The following CFHR5 variants were observed in gnomAD, a reference collection of about 807,000 sequenced individuals.
The protein encoded by CFHR5 is complement factor H related 5, also known as complement factor H-related protein 5.
In CFHR5, 73 loss-of-function variants were observed where a neutral mutation model predicts 62.9. The ratio of observed to expected loss-of-function variants is 1.16; its 90% CI spans 0.96 to 1.41. CFHR5 has a LOEUF of 1.41. CFHR5 is among the 40% of genes most tolerant of loss of function. CFHR5 has a pLI of 0.00. For missense variants in CFHR5, 779 were observed against 679.9 expected (o/e 1.15, Z -1.62); for synonymous variants, 249 against 227.2 (o/e 1.10, Z -0.86).
At chr1:196,981,507 A>T (rs1653539746) in intron 1 of CFHR5, among the ~76,000 whole-genome samples, 1 of 151,610 alleles carries the variant, frequency 6.6e-6, no homozygotes, top group African/African-American at 2.4e-5. Flanking sequence ...TGTATATATA[A>T]ATATATATAT....
At chr1:196,990,608 T>G (rs530785740) in intron 3 of CFHR5, among the ~76,000 whole-genome samples, 1 of 152,286 alleles carries the variant, frequency 6.6e-6, no homozygotes, top group South Asian at 2.1e-4. Context: ...TGTAAAGGAT[T>G]TTAATTCTTC....
chr1:197,003,225 GC>G (rs1654197164), intron 8 of CFHR5, among the ~76,000 whole-genome samples: 1 of 152,164 alleles, frequency 6.6e-6, no homozygotes, highest in Admixed American at 6.5e-5. Context: ...AGAATCTAGT[GC>G]CCTGGTTGAT....
rs187155480 is a variant in CFHR5, at chr1:196,983,572, G to A, written c.254-389G>A. Among the ~76,000 whole-genome samples the A allele has an allele frequency of 3.4e-3, 513 of 152,070 alleles. 5 individuals are homozygous for A. Among genetic ancestry groups the A allele is most frequent in the African/African-American group, 0.011 (476 of 41,504 alleles). On this transcript the variant is annotated intron_variant, in intron 2 of 9. Coordinates refer to ENST00000256785, the MANE Select transcript of CFHR5 (RefSeq NM_030787.4). ...TAGAGACCAGACTCCAATGATAACA[G>A]GTGCATTAAAAAAGAAAAACAATGG...
rs777378052 is a variant in CFHR5 at position 196,984,039 on chromosome 1, A to C, written c.332A>C (p.Gln111Pro). 2.5e-6 allele frequency: 4 copies of C among 1,613,330 alleles called. No homozygotes were observed. In the East Asian group the frequency reaches 8.9e-5, roughly 36 times the overall value. The part of the protein sequence containing the change: ...GLIHLEGDTV[Q>P]IICNTGYSLQ... Reference sequence around the variant, plus strand: ...ATACATCTGGAAGGTGATACTGTACAAATTATTTGCAACACAGGATACAGC... The same window carrying C: ...ATACATCTGGAAGGTGATACTGTACCAATTATTTGCAACACAGGATACAGC... Residue 111 changes from glutamine to proline, a missense_variant, in exon 3 of 10, where the codon CAA becomes CCA. Coordinates refer to ENST00000256785, the MANE Select transcript of CFHR5 (RefSeq NM_030787.4).
chr1:196,990,671 T>C (rs1368002393), intron 3 of CFHR5, among the ~76,000 whole-genome samples: 1 of 152,184 alleles, frequency 6.6e-6, no homozygotes, highest in African/African-American at 2.4e-5. Context: ...TTGAAAATTC[T>C]TGTCTTTAGG....
At chr1:196,990,429 A>C (rs966695057) in intron 3 of CFHR5, among the ~76,000 whole-genome samples, 2 of 151,968 alleles carry the variant, frequency 1.3e-5, no homozygotes, top group African/African-American at 4.8e-5. Flanking sequence ...TTAGCTAGTT[A>C]TTTTGCCCGT....
At chr1:196,984,159 C>A in intron 3 of CFHR5, 22 bp downstream of exon 3, 2 of 1,598,154 alleles carry the variant, frequency 1.3e-6, no homozygotes, top group Non-Finnish European at 1.7e-6. Context: ...ACCACTCTCT[C>A]AGTTTTGCTA....
At chr1:196,994,545 T>A (rs1280028093) in intron 4 of CFHR5, among the ~76,000 whole-genome samples, 2 of 152,168 alleles carry the variant, frequency 1.3e-5, no homozygotes, top group Non-Finnish European at 2.9e-5. Context: ...CAATAAAAAA[T>A]TTATACTTTT....
intron 8 of CFHR5, 98 bp from the exon 9 acceptor site, chr1:197,004,563 T>C (rs1654234725): frequency 1.0e-6 from 1 of 970,894 alleles, no homozygotes; most frequent in Admixed American, 1.8e-5. Flanking sequence ...TATTTGAATT[T>C]CCAGACACCT....
At chr1:196,991,995 G>T (rs1340368412) in intron 3 of CFHR5, among the ~76,000 whole-genome samples, 1 of 152,220 alleles carries the variant, frequency 6.6e-6, no homozygotes, top group Admixed American at 6.5e-5. Flanking sequence ...GCCCCCAGAG[G>T]TGGAGTTTAC....
At chr1:196,986,097 A>T (rs1272846096) in intron 3 of CFHR5, among the ~76,000 whole-genome samples, 5 of 152,184 alleles carry the variant, frequency 3.3e-5, no homozygotes, top group African/African-American at 1.2e-4. Context: ...AAGTGAAAGA[A>T]TTCAGCAGAA....
At chr1:197,003,005 A>G (rs1394651118) in intron 8 of CFHR5, among the ~76,000 whole-genome samples, 1 of 152,148 alleles carries the variant, frequency 6.6e-6, no homozygotes, top group Non-Finnish European at 1.5e-5. Context: ...CATGCTGTAC[A>G]GGTTTGTGGC....
intron 1 of CFHR5, among the ~76,000 whole-genome samples, chr1:196,982,259 G>A (rs1253755111): frequency 6.6e-6 from 1 of 152,154 alleles, no homozygotes; most frequent in Non-Finnish European, 1.5e-5. Flanking sequence ...AGGGAGATTT[G>A]CTACTCTTAC....
chr1:196,991,299 T>C (rs1274186256), intron 3 of CFHR5, among the ~76,000 whole-genome samples: 1 of 152,174 alleles, frequency 6.6e-6, no homozygotes, highest in Non-Finnish European at 1.5e-5. Flanking sequence ...TTCCTTGCGA[T>C]GGGTTCAAAC....
chr1:196,977,544 T>C, upstream of CFHR5: 1 of 844,184 alleles, frequency 1.2e-6, no homozygotes, highest in Non-Finnish European at 2.1e-6. Context: ...TTTACTAAAC[T>C]AGCTTCCCCT....
chr1:196,993,797 T>C (rs377435104), intron 3 of CFHR5, among the ~76,000 whole-genome samples: 1 of 152,132 alleles, frequency 6.6e-6, no homozygotes, highest in East Asian at 1.9e-4. Flanking sequence ...ATTAAACAAA[T>C]TAAATAATTT....
At chr1:196,998,412 C>A (rs2125036591) in intron 7 of CFHR5, 108 bp downstream of exon 7, 1 of 904,544 alleles carries the variant, frequency 1.1e-6, no homozygotes, top group Non-Finnish European at 1.8e-6. Context: ...CATATAATTT[C>A]TATGCTAATA....
chr1:196,991,214 C>T (rs780531539), intron 3 of CFHR5, among the ~76,000 whole-genome samples: 2 of 152,154 alleles, frequency 1.3e-5, no homozygotes, highest in Non-Finnish European at 2.9e-5. Context: ...TCAGCTCCAT[C>T]AGGTCATTTA....
intron 1 of CFHR5, among the ~76,000 whole-genome samples, chr1:196,978,850 T>A (rs925754409): frequency 2.6e-5 from 4 of 152,126 alleles, no homozygotes; most frequent in Admixed American, 6.6e-5. Context: ...GGAAGATAAG[T>A]GAAAATTATG....
Sources: allele counts gnomAD v4.1 joint callset (sites outside exome capture counted in the v4.1 genomes callset), GRCh38; gene constraint gnomAD v4.1.1; transcripts MANE v1.5; gene names NCBI Gene and HGNC (gene_info 2026-07-23, HGNC 2026-07-21).